CCDC85C: variants seen among roughly 807,000 people sequenced by gnomAD.
The protein encoded by CCDC85C is coiled-coil domain containing 85C.
Under a neutral mutation model 38.3 loss-of-function variants are expected in CCDC85C, and 18 were observed. The observed-to-expected ratio is 0.47, with a 90% confidence interval of 0.33 to 0.70. CCDC85C has a LOEUF of 0.70. Ranked by LOEUF, CCDC85C falls within the 30% of genes least tolerant of loss-of-function variation. The pLI is 0.03. For missense variants in CCDC85C, 566 were observed against 621.2 expected (o/e 0.91, Z 0.94); for synonymous variants, 264 against 293.8 (o/e 0.90, Z 1.04).
In CCDC85C at chr14:99,502,134, G is replaced by C; in HGVS notation, c.*13112C>G. 2.1e-6 allele frequency: 3 copies of C among 1,429,514 alleles called. No individual in the cohort carries two copies. Among genetic ancestry groups the C allele is most frequent in the Non-Finnish European group, 2.8e-6 (3 of 1,078,596 alleles). The allele number at this position is 1,429,514 out of a possible 1,614,324, so 88.6% of individuals were successfully genotyped here. On this transcript the variant is annotated 3_prime_UTR_variant, in exon 6 of 6. Coordinates refer to ENST00000380243, the MANE Select transcript of CCDC85C (RefSeq NM_001144995.2). ...ATAAGCAAATTAATGGTTAGTTATGGCATCTCCATGCACTGGTTTAATCAT... is the reference window on the plus strand; with the variant it reads ...ATAAGCAAATTAATGGTTAGTTATGCCATCTCCATGCACTGGTTTAATCAT...
At chr14:99,542,605 G>A (rs756717759) in intron 1 of CCDC85C, among the ~76,000 whole-genome samples, 13 of 152,118 alleles carry the variant, frequency 8.5e-5, no homozygotes, top group Non-Finnish European at 1.2e-4. Flanking sequence ...GGTAGCAGCC[G>A]GCCTCCTCTT....
rs577552279 is a variant in CCDC85C, at chr14:99,561,503, G to A, written c.794-25415C>T. On this transcript the variant is annotated intron_variant, in intron 1 of 5. Transcript: ENST00000380243. ...CCCTCCAGGGGACACCTACAGGGCA[G>A]TCCCTCCCCCACTGGAAAATCAGGT... Among the ~76,000 whole-genome samples the A allele has an allele frequency of 2.0e-5, 3 of 152,332 alleles. No individual in the cohort carries two copies. The East Asian group carries it at 5.8e-4, about 29-fold the overall frequency.
At chr14:99,539,339 A>G (rs1443763797) in intron 1 of CCDC85C, among the ~76,000 whole-genome samples, 3 of 151,908 alleles carry the variant, frequency 2.0e-5, no homozygotes, top group Admixed American at 1.3e-4. Context: ...GCGTGATGGC[A>G]GGCACCTGTA....
Position 99,507,076 on chromosome 14 carries a change from A to C in CCDC85C, c.*8170T>G. On this transcript the variant is annotated 3_prime_UTR_variant, in exon 6 of 6. Transcript: ENST00000380243. ...TTTCTAATCTGCTTTTTCTTTGTAG[A>C]ACCACCACCACCTAAAATCCCCAAA... 3 of 1,599,400 alleles carry C rather than the reference A, an allele frequency of 1.9e-6. No homozygotes were observed. The highest frequency in any genetic ancestry group is 2.6e-6 in the Non-Finnish European group (3 of 1,166,608).
Position 99,502,043 on chromosome 14 carries a change from G to A in CCDC85C, c.*13203C>T. On this transcript the variant is annotated 3_prime_UTR_variant, in exon 6 of 6. Coordinates refer to ENST00000380243, the MANE Select transcript of CCDC85C (RefSeq NM_001144995.2). ...ACTATGGTTAAAGTAACTTAGTCGGGTACCTTTAGAAGAGTAAAGACTTGA... is the reference window on the plus strand; with the variant it reads ...ACTATGGTTAAAGTAACTTAGTCGGATACCTTTAGAAGAGTAAAGACTTGA... 2 of 698,974 alleles carry A rather than the reference G, an allele frequency of 2.9e-6. No individual in the cohort carries two copies. The highest frequency in any genetic ancestry group is 4.2e-6 in the Non-Finnish European group (2 of 474,398). 43.3% of individuals were successfully genotyped at this position (698,974 alleles called of 1,614,324 possible).
intron 1 of CCDC85C, among the ~76,000 whole-genome samples, chr14:99,580,772 G>A (rs1487563510): frequency 6.6e-6 from 1 of 152,118 alleles, no homozygotes; most frequent in East Asian, 1.9e-4. Flanking sequence ...GGCTGAAGCA[G>A]GAGAATGGCT....
rs12892887 is a variant in CCDC85C at position 99,588,686 on chromosome 14, T to G, written c.793+14481A>C. On this transcript the variant is annotated intron_variant, in intron 1 of 5. Transcript: ENST00000380243. The surrounding 1 kb of genome is among the most constrained non-coding windows in gnomAD (Gnocchi z 5.0). ...TGGGGTCAGGTCATTCCCCCACCCG[T>G]ATAAGCACTTGGAAGGTGGTCCTGA... is the stretch of plus-strand genomic sequence containing the variant. Among the ~76,000 whole-genome samples the G allele has an allele frequency of 0.46, 69,712 of 151,622 alleles. 16,716 individuals are homozygous for G. Among genetic ancestry groups the G allele is most frequent in the African/African-American group, 0.6 (24,973 of 41,286 alleles).
chr14:99,506,556 C>T lies in CCDC85C; in HGVS notation c.*8690G>A. 1 of 156,344 alleles carries T rather than the reference C, an allele frequency of 6.4e-6. No individual in the cohort carries two copies. Among genetic ancestry groups the T allele is most frequent in the Non-Finnish European group, 1.4e-5 (1 of 70,548 alleles). The allele number at this position is 156,344 out of a possible 1,614,324, so 9.7% of individuals were successfully genotyped here. Reference sequence around the variant, plus strand: ...CAGTGTGTCAACCTCCAGAGCTCTGCTGACTCCAGTTAATGTGCTGCTTCT... The same window carrying T: ...CAGTGTGTCAACCTCCAGAGCTCTGTTGACTCCAGTTAATGTGCTGCTTCT... On this transcript the variant is annotated 3_prime_UTR_variant, in exon 6 of 6. Coordinates refer to ENST00000380243, the MANE Select transcript of CCDC85C (RefSeq NM_001144995.2).
chr14:99,575,776 CAAG>C (rs2139968590), intron 1 of CCDC85C, among the ~76,000 whole-genome samples: 1 of 152,302 alleles, frequency 6.6e-6, no homozygotes, highest in African/African-American at 2.4e-5. Context: ...AGAGATAAAA[CAAG>C]ACAAGTAGGG....
chr14:99,573,383 T>C (rs1478013016), intron 1 of CCDC85C, among the ~76,000 whole-genome samples: 1 of 152,208 alleles, frequency 6.6e-6, no homozygotes. Context: ...TTAGAAGAGT[T>C]TTGTTCTGAG....
Position 99,604,046 on chromosome 14 carries a change from G to C in CCDC85C, c.-87C>G. The C allele has an allele frequency of 1.0e-6, 1 of 979,814 alleles. No homozygotes were observed. Among genetic ancestry groups the C allele is most frequent in the Non-Finnish European group, 1.2e-6 (1 of 828,040 alleles). The allele number at this position is 979,814 out of a possible 1,614,324, so 60.7% of individuals were successfully genotyped here. A position where few individuals can be genotyped will look rare whatever the true frequency, so the allele number is the denominator to read the frequency against. On this transcript the variant is annotated 5_prime_UTR_variant, in exon 1 of 6. Coordinates refer to ENST00000380243, the MANE Select transcript of CCDC85C (RefSeq NM_001144995.2). ...GGCTCCGCTGGGCCGGTCCGCGCGC[G>C]GGCGGGGGGCGGCCGGGGGCGCGTG... is the stretch of plus-strand genomic sequence containing the variant.
Position 99,603,990 on chromosome 14 carries a change from C to T in CCDC85C, c.-31G>A. The T allele has an allele frequency of 8.1e-7, 1 of 1,227,496 alleles. No individual in the cohort carries two copies. The highest frequency in any genetic ancestry group is 3.3e-5 in the East Asian group (1 of 29,948). The allele number at this position is 1,227,496 out of a possible 1,614,324, so 76.0% of individuals were successfully genotyped here. On this transcript the variant is annotated 5_prime_UTR_variant, in exon 1 of 6. Transcript: ENST00000380243. This position sits in a 1 kb window ranked among gnomAD's most constrained non-coding sequence, Gnocchi z 7.5. ...GGCCGTCACCGCGGCATCGCCCTCG[C>T]CCTCGCCCGGCCGGCGCTTCCCCGC...
intron 1 of CCDC85C, among the ~76,000 whole-genome samples, chr14:99,554,342 G>A (rs1302209927): frequency 1.3e-5 from 2 of 152,136 alleles, no homozygotes; most frequent in Non-Finnish European, 2.9e-5. Flanking sequence ...CCCCCACCCA[G>A]CCTTGGTCAC....
At chr14:99,577,530 C>G (rs1475714339) in intron 1 of CCDC85C, among the ~76,000 whole-genome samples, 1 of 151,928 alleles carries the variant, frequency 6.6e-6, no homozygotes, top group African/African-American at 2.4e-5. Context: ...CCGGGACACC[C>G]CTGCAGTGAA....
intron 1 of CCDC85C, among the ~76,000 whole-genome samples, chr14:99,598,148 G>A (rs527344882): frequency 3.9e-5 from 6 of 152,292 alleles, no homozygotes; most frequent in East Asian, 1.9e-4. Context: ...GCTGCCACCC[G>A]CCAGAGGCTA....
At chr14:99,515,480 G>A (rs1056779129) in intron 5 of CCDC85C, 145 bp from the exon 6 acceptor site, 2 of 624,762 alleles carry the variant, frequency 3.2e-6, no homozygotes, top group Non-Finnish European at 5.7e-6. Context: ...TGCAGGCCCA[G>A]AGACACCCAC....
rs958771631 is a variant in CCDC85C at position 99,515,270 on chromosome 14, C to T, written c.1236G>A (p.Gly412=). 4 of 1,550,808 alleles carry T rather than the reference C, an allele frequency of 2.6e-6. No individual in the cohort carries two copies. The highest frequency in any genetic ancestry group is 3.5e-6 in the Non-Finnish European group (4 of 1,146,810). ...CCTACAAAGGCCCCTTGAACTGGTTCCCAGACAGGTGCTGCCGTATGGAGG... is the reference window on the plus strand; with the variant it reads ...CCTACAAAGGCCCCTTGAACTGGTTTCCAGACAGGTGCTGCCGTATGGAGG... The part of the protein sequence containing the change: ...SKPSIRQHLS[G]NQFKGPL Residue 412 remains glycine (G), a synonymous_variant, in exon 6 of 6, where the codon GGG becomes GGA. Transcript: ENST00000380243.
chr14:99,572,765 C>T lies in CCDC85C; in HGVS notation c.793+30402G>A, dbSNP rs1452892821. ...TCCATGGATTTGTTTGCCAGTTTAT[C>T]CATCTTCCAAAGGAGACTTCTGTCT... On this transcript the variant is annotated intron_variant, in intron 1 of 5. Transcript: ENST00000380243. This position sits in a 1 kb window ranked among gnomAD's most constrained non-coding sequence, Gnocchi z 4.4. 3 of 455,954 alleles carry T rather than the reference C, an allele frequency of 6.6e-6. No homozygotes were observed. The East Asian group carries it at 2.1e-4, about 32-fold the overall frequency. 28.2% of individuals were successfully genotyped at this position (455,954 alleles called of 1,614,324 possible).
At chr14:99,599,793 T>G (rs2055180478) in intron 1 of CCDC85C, among the ~76,000 whole-genome samples, 1 of 152,176 alleles carries the variant, frequency 6.6e-6, no homozygotes, top group Non-Finnish European at 1.5e-5. Flanking sequence ...GAGGATTACT[T>G]GAGCCCAGGA....
Sources: gnomAD v4.1 joint callset for allele counts (sites outside exome capture counted in the v4.1 genomes callset) on GRCh38, gnomAD v4.1.1 for gene constraint, Gnocchi (gnomAD v3.1) non-coding constraint, MANE v1.5 for transcripts, NCBI Gene and HGNC (gene_info 2026-07-23, HGNC 2026-07-21) for gene names.